Variants in SH3PXD2B observed in about 807,000 individuals in gnomAD.
SH3PXD2B encodes SH3 and PX domains 2B.
SH3PXD2B carries 37 observed loss-of-function variants against 73.1 expected under a neutral mutation model. The ratio of observed to expected loss-of-function variants is 0.51; its 90% CI spans 0.39 to 0.67. The LOEUF (loss-of-function observed/expected upper bound fraction) is 0.67. Ranked by LOEUF, SH3PXD2B falls within the 30% of genes least tolerant of loss-of-function variation. The pLI is 0.00. For synonymous variants in SH3PXD2B, 457 were observed against 480.5 expected (o/e 0.95, Z 0.64); for missense variants, 1,053 against 1,197.8 (o/e 0.88, Z 1.78).
At chr5:172,372,232 T>TG (rs1161990881) in intron 6 of SH3PXD2B, among the ~76,000 whole-genome samples, 1 of 152,086 alleles carries the variant, frequency 6.6e-6, no homozygotes, top group African/African-American at 2.4e-5. Flanking sequence ...GATTGGATCA[T>TG]GGGGGTGGGT....
chr5:172,446,491 T>TC (rs1366360610), intron 1 of SH3PXD2B, among the ~76,000 whole-genome samples: 13 of 152,126 alleles, frequency 8.5e-5, no homozygotes, highest in Non-Finnish European at 1.2e-4. Flanking sequence ...GCAAGACTGC[T>TC]CCCCTGACAT....
intron 1 of SH3PXD2B, among the ~76,000 whole-genome samples, chr5:172,442,963 T>C (rs904766007): frequency 3.3e-5 from 5 of 152,212 alleles, no homozygotes; most frequent in Non-Finnish European, 7.3e-5. Flanking sequence ...TCATCTTTTT[T>C]TGGAGCCATG....
chr5:172,436,670 G>A (rs183863055), intron 1 of SH3PXD2B, among the ~76,000 whole-genome samples: 1 of 152,326 alleles, frequency 6.6e-6, no homozygotes, highest in Admixed American at 6.5e-5. Flanking sequence ...GTAGAAGCCT[G>A]TGGAGATGAA....
At chr5:172,450,737 T>C (rs1561588523) in intron 1 of SH3PXD2B, among the ~76,000 whole-genome samples, 1 of 151,830 alleles carries the variant, frequency 6.6e-6, no homozygotes, top group African/African-American at 2.4e-5. Context: ...AACCCACAAA[T>C]CCTACCTGGA....
At chr5:172,330,684 T>C (rs947028792), downstream of SH3PXD2B, among the ~76,000 whole-genome samples, 1 of 152,210 alleles carries the variant, frequency 6.6e-6, no homozygotes, top group Non-Finnish European at 1.5e-5. Context: ...TGGGAAATGC[T>C]AAGTGGGAAG....
chr5:172,371,929 C>T (rs752634571), intron 6 of SH3PXD2B, among the ~76,000 whole-genome samples: 7 of 152,208 alleles, frequency 4.6e-5, no homozygotes, highest in Non-Finnish European at 1.0e-4. Context: ...GAACTATTTG[C>T]AGCTTTAGCA....
chr5:172,354,156 C>G, intron 8 of SH3PXD2B, 151 bp from the exon 9 acceptor site: 2 of 734,450 alleles, frequency 2.7e-6, no homozygotes, highest in Non-Finnish European at 2.4e-6. Flanking sequence ...CTGGACAGCC[C>G]TGTGCAAGCA....
Position 172,431,438 on chromosome 5 carries a change from A to G in SH3PXD2B, c.76-8942T>C, listed in dbSNP as rs561391671. On this transcript the variant is annotated intron_variant, in intron 1 of 12. Transcript: ENST00000311601. ...GGTAGTATTCCAGTTCCTGCTTCCC[A>G]GGCCTGCCCGCCCACCGGAGGCTAC... Among the ~76,000 whole-genome samples the G allele has an allele frequency of 3.5e-3, 527 of 152,340 alleles. 3 individuals are homozygous for G. The highest frequency in any genetic ancestry group is 5.3e-3 in the Non-Finnish European group (359 of 68,030).
At position 172,339,495 on chromosome 5, in the gene SH3PXD2B, A is replaced by C. The variant is rs1027394288; in HGVS notation, c.1610T>G (p.Leu537Arg). 2.5e-6 allele frequency: 4 copies of C among 1,613,890 alleles called. No individual in the cohort carries two copies. Among genetic ancestry groups the C allele is most frequent in the Non-Finnish European group, 2.5e-6 (3 of 1,179,868 alleles). The change falls in exon 13 of 13, where the codon CTG becomes CGG. Residue 537 changes from leucine to arginine, a missense_variant. Physicochemically the swap from Leu to Arg is moderately radical, Grantham distance 102. Transcript: ENST00000311601. This position sits in a 1 kb window ranked among gnomAD's most constrained non-coding sequence, Gnocchi z 6.1. ...ESIIKSEGEL[L>R]ERERERQRTE... is the part of the protein sequence containing the mutation. ...CCTCTGCCGCTCCCGCTCCCGCTCCAGCAGCTCCCCCTCCGACTTGATGAT... is the reference window on the plus strand; with the variant it reads ...CCTCTGCCGCTCCCGCTCCCGCTCCCGCAGCTCCCCCTCCGACTTGATGAT...
chr5:172,364,824 G>A (rs1757479444), intron 6 of SH3PXD2B, among the ~76,000 whole-genome samples: 1 of 152,120 alleles, frequency 6.6e-6, no homozygotes, highest in African/African-American at 2.4e-5. Flanking sequence ...CATGGTGGGA[G>A]TATTTACACC....
At chr5:172,444,974 T>C (rs1243317772) in intron 1 of SH3PXD2B, among the ~76,000 whole-genome samples, 1 of 152,144 alleles carries the variant, frequency 6.6e-6, no homozygotes. Flanking sequence ...GAGCTTCATC[T>C]CCATTATTCA....
intron 11 of SH3PXD2B, 83 bp from the exon 12 acceptor site, chr5:172,346,344 G>C (rs1404894868): frequency 6.3e-7 from 1 of 1,599,966 alleles, no homozygotes; most frequent in East Asian, 2.2e-5. Flanking sequence ...AGGGCCTGGG[G>C]CATGCAATCA....
At chr5:172,453,380 C>G (rs1358740955) in intron 1 of SH3PXD2B, among the ~76,000 whole-genome samples, 1 of 152,160 alleles carries the variant, frequency 6.6e-6, no homozygotes, top group African/African-American at 2.4e-5. Flanking sequence ...CACCCCACAT[C>G]CCCTTTATCT....
chr5:172,406,718 A>G (rs1368094217), intron 2 of SH3PXD2B, among the ~76,000 whole-genome samples: 1 of 152,196 alleles, frequency 6.6e-6, no homozygotes, highest in African/African-American at 2.4e-5. Context: ...GAGGTAAGGA[A>G]TAAATCATTA....
intron 3 of SH3PXD2B, among the ~76,000 whole-genome samples, chr5:172,399,119 G>A (rs548838146): frequency 1.2e-4 from 19 of 152,240 alleles, no homozygotes; most frequent in Non-Finnish European, 2.4e-4. Context: ...AGTTCAAGCT[G>A]CCTTTCAACA....
intron 1 of SH3PXD2B, among the ~76,000 whole-genome samples, chr5:172,441,011 A>C (rs1488284281): frequency 6.6e-6 from 1 of 152,202 alleles, no homozygotes; most frequent in African/African-American, 2.4e-5. Flanking sequence ...AGTGAGCTCC[A>C]CAGGCCCAAA....
chr5:172,355,263 G>C (rs1303268807), intron 8 of SH3PXD2B, among the ~76,000 whole-genome samples: 1 of 152,206 alleles, frequency 6.6e-6, no homozygotes, highest in Non-Finnish European at 1.5e-5. Flanking sequence ...TTTATTTATT[G>C]ATCTAGCCTG....
At chr5:172,432,517 T>C (rs1476603183) in intron 1 of SH3PXD2B, among the ~76,000 whole-genome samples, 1 of 152,222 alleles carries the variant, frequency 6.6e-6, no homozygotes, top group Non-Finnish European at 1.5e-5. Context: ...TTCACCGCTC[T>C]GCACGTGCCC....
In SH3PXD2B at chr5:172,429,033, G is replaced by C. The variant is rs544089434; in HGVS notation, c.76-6537C>G. ...CTTTACTGAAATTGCTCAAGTGTCT[G>C]ATTTCCTGCTGGGTTCTAAGTTTCA... On this transcript the variant is annotated intron_variant, in intron 1 of 12. Coordinates refer to ENST00000311601, the MANE Select transcript of SH3PXD2B (RefSeq NM_001017995.3). Among the ~76,000 whole-genome samples the C allele has an allele frequency of 1.8e-3, 277 of 152,304 alleles. 1 individual carries two copies. The highest frequency in any genetic ancestry group is 6.4e-3 in the African/African-American group (266 of 41,560).
Sources: allele counts gnomAD v4.1 joint callset (sites outside exome capture counted in the v4.1 genomes callset), GRCh38; gene constraint gnomAD v4.1.1; non-coding constraint Gnocchi (gnomAD v3.1); transcripts MANE v1.5; gene names NCBI Gene and HGNC (gene_info 2026-07-23, HGNC 2026-07-21).